Variants in CTCF observed in about 807,000 individuals in gnomAD.
CTCF encodes CCCTC-binding factor.
In CTCF, 7 loss-of-function variants were observed where a neutral mutation model predicts 72.3. The ratio of observed to expected loss-of-function variants is 0.10; its 90% CI spans 0.06 to 0.18. CTCF has a LOEUF of 0.18. CTCF is among the 10% of genes least tolerant of loss of function. CTCF has a pLI of 1.00. For synonymous variants in CTCF, 374 were observed against 315.8 expected (o/e 1.18, Z -1.95); for missense variants, 516 against 949.1 (o/e 0.54, Z 6.00).
At chr16:67,631,268 C>G (rs1156509955) in intron 10 of CTCF, among the ~76,000 whole-genome samples, 1 of 150,526 alleles carries the variant, frequency 6.6e-6, no homozygotes, top group East Asian at 1.9e-4. Context: ...TGGGTTCAAG[C>G]GATTTTCCTG....
At chr16:67,591,303 G>A (rs1191831786) in intron 2 of CTCF, among the ~76,000 whole-genome samples, 1 of 152,042 alleles carries the variant, frequency 6.6e-6, no homozygotes, top group Non-Finnish European at 1.5e-5. Context: ...AAAAATAAAT[G>A]AAAATTAATG....
At chr16:67,635,868 C>T (rs2142885028) in intron 10 of CTCF, among the ~76,000 whole-genome samples, 1 of 152,190 alleles carries the variant, frequency 6.6e-6, no homozygotes, top group Admixed American at 6.5e-5. Context: ...ATGAGTGATC[C>T]TCCAACCTCA....
intron 4 of CTCF, among the ~76,000 whole-genome samples, chr16:67,614,115 G>A (rs1468091133): frequency 6.6e-6 from 1 of 152,112 alleles, no homozygotes; most frequent in African/African-American, 2.4e-5. Context: ...GGGAGGCCGA[G>A]GTGGGTGGAT....
chr16:67,617,852 G>A (rs2052152716), intron 5 of CTCF, among the ~76,000 whole-genome samples: 2 of 152,112 alleles, frequency 1.3e-5, no homozygotes, highest in South Asian at 4.1e-4. Context: ...CTTACCCTCA[G>A]AGAGAAGCAA....
chr16:67,622,680 G>A (rs894848015), intron 7 of CTCF, among the ~76,000 whole-genome samples: 5 of 139,528 alleles, frequency 3.6e-5, no homozygotes, highest in African/African-American at 8.1e-5. Flanking sequence ...TTTTCCTCTC[G>A]TCACCCAGGC....
chr16:67,622,911 C>T (rs2052223135), intron 7 of CTCF, among the ~76,000 whole-genome samples: 1 of 146,576 alleles, frequency 6.8e-6, no homozygotes, highest in African/African-American at 2.5e-5. Flanking sequence ...ATCTGCCTAC[C>T]TCGGCCTCCC....
chr16:67,571,724 C>T (rs2051423025), intron 2 of CTCF, among the ~76,000 whole-genome samples: 1 of 152,166 alleles, frequency 6.6e-6, no homozygotes, highest in African/African-American at 2.4e-5. Flanking sequence ...AGATGGAATC[C>T]TGTTCTTGGG....
chr16:67,603,301 TG>T (rs1238751797), intron 2 of CTCF, among the ~76,000 whole-genome samples: 1 of 150,550 alleles, frequency 6.6e-6, no homozygotes, highest in East Asian at 2.0e-4. Context: ...GAGGCTGAGG[TG>T]GGGGATCACG....
chr16:67,619,297 C>T (rs1211829714), intron 5 of CTCF, among the ~76,000 whole-genome samples: 5 of 151,972 alleles, frequency 3.3e-5, no homozygotes, highest in African/African-American at 1.2e-4. Context: ...TTAGCCAGGC[C>T]TGGTGGCGTG....
In CTCF at chr16:67,611,494, T is replaced by C. The variant is rs761703958; in HGVS notation, c.662T>C (p.Val221Ala). 6.2e-6 allele frequency: 10 copies of C among 1,614,080 alleles called. No homozygotes were observed. The highest frequency in any genetic ancestry group is 3.4e-6 in the Non-Finnish European group (4 of 1,180,034). ...CGTTATACAGAGGAGGGCAAAGATG[T>C]AGATGTGTCTGTCTACGATTTTGAG... is the stretch of plus-strand genomic sequence containing the variant. The part of the protein sequence containing the change: ...KLRYTEEGKD[V>A]DVSVYDFEEE... The change falls in exon 3 of 12, where the codon GTA (valine) becomes GCA (alanine). Residue 221 changes from valine to alanine, a missense_variant. Physicochemically the swap from Val to Ala is moderately conservative, Grantham distance 64. This residue lies in a region of CTCF where 53 missense variants were observed against 63.6 expected (regional missense o/e 0.83). Coordinates refer to ENST00000264010, the MANE Select transcript of CTCF (RefSeq NM_006565.4).
chr16:67,605,632 C>T (rs565938210), intron 2 of CTCF, among the ~76,000 whole-genome samples: 25 of 152,188 alleles, frequency 1.6e-4, no homozygotes, highest in Non-Finnish European at 2.5e-4. Flanking sequence ...GGCTTTTGCC[C>T]TTAAAGAGCT....
In CTCF at chr16:67,628,465, C is replaced by T. The variant is rs779124853; in HGVS notation, c.1614C>T (p.Leu538=). 3.1e-6 allele frequency: 5 copies of T among 1,614,222 alleles called. No homozygotes were observed. The highest frequency in any genetic ancestry group is 1.3e-5 in the African/African-American group (1 of 75,058). Residue 538 remains leucine (L), a synonymous_variant, in exon 9 of 12, where the codon CTC becomes CTT. Coordinates refer to ENST00000264010, the MANE Select transcript of CTCF (RefSeq NM_006565.4). ...AGACCTTCCGCCAGAAGCAGCTTCT[C>T]GACATGCACTTCAAGCGCTATCACG... ...CDKTFRQKQL[L]DMHFKRYHDP...
chr16:67,621,317 C>G (rs2052196107), intron 6 of CTCF, 125 bp from the exon 7 acceptor site: 1 of 683,876 alleles, frequency 1.5e-6, no homozygotes, highest in Non-Finnish European at 2.5e-6. Flanking sequence ...TGGGACTGAG[C>G]CTCAGCCTTC....
rs56298067 is a variant in CTCF, at chr16:67,617,137, G to A, written c.1086+259G>A. 0.041 allele frequency among the ~76,000 whole-genome samples: 6,283 copies of A among 152,160 alleles called. 137 individuals carry two copies. The highest frequency in any genetic ancestry group is 0.054 in the Middle Eastern group (16 of 294). ...AGCACTTTGGGAGGCTGAGGTGGGC[G>A]GATCACCTGAGGTCGGGAGTTGGAG... is the stretch of plus-strand genomic sequence containing the variant. On this transcript the variant is annotated intron_variant, in intron 5 of 11. Transcript: ENST00000264010.
chr16:67,605,286 A>G (rs551975185), intron 2 of CTCF, among the ~76,000 whole-genome samples: 21 of 152,264 alleles, frequency 1.4e-4, no homozygotes, highest in African/African-American at 5.1e-4. Context: ...ATGACATCTT[A>G]TAATAAAAAT....
chr16:67,576,290 C>T (rs530235342), intron 2 of CTCF, among the ~76,000 whole-genome samples: 9 of 151,768 alleles, frequency 5.9e-5, no homozygotes, highest in South Asian at 4.2e-4. Context: ...AGCAGAAGCT[C>T]AATAAGTAAT....
intron 7 of CTCF, among the ~76,000 whole-genome samples, chr16:67,624,584 GT>G (rs1256239116): frequency 2.0e-5 from 3 of 151,520 alleles, no homozygotes; most frequent in Admixed American, 6.6e-5. Context: ...TAACTCCAAG[GT>G]TTTTGTTTTT....
intron 8 of CTCF, among the ~76,000 whole-genome samples, chr16:67,628,089 C>T (rs1016912008): frequency 1.3e-5 from 2 of 151,768 alleles, no homozygotes; most frequent in East Asian, 1.9e-4. Flanking sequence ...AGCGAGACTC[C>T]GTCTCAAAAA....
At chr16:67,616,460 A>C (rs892086184) in intron 4 of CTCF, 3 of 337,718 alleles carry the variant, frequency 8.9e-6, no homozygotes, top group African/African-American at 6.2e-5. Context: ...CAGGATATTC[A>C]CAAAATAGGA....
Sources: allele counts gnomAD v4.1 joint callset (sites outside exome capture counted in the v4.1 genomes callset), GRCh38; gene constraint gnomAD v4.1.1; regional missense constraint gnomAD v4.1.1; transcripts MANE v1.5; gene names NCBI Gene and HGNC (gene_info 2026-07-23, HGNC 2026-07-21).